PROS1: variants seen among roughly 807,000 people sequenced by gnomAD.
The protein encoded by PROS1 is protein S.
A neutral mutation model predicts 75.9 loss-of-function variants in PROS1; 29 were observed. The observed-to-expected ratio is 0.38, with a 90% CI of 0.28 to 0.52. The LOEUF is 0.52. Among genes scored for constraint, PROS1 ranks in the 20% least tolerant of loss-of-function variants. The pLI is 0.83. For missense variants in PROS1, 680 were observed against 810.3 expected (o/e 0.84, Z 1.95); for synonymous variants, 245 against 280.6 (o/e 0.87, Z 1.27).
intron 1 of PROS1, among the ~76,000 whole-genome samples, chr3:93,950,724 G>T (rs1709482553): frequency 6.6e-6 from 1 of 152,198 alleles, no homozygotes; most frequent in Non-Finnish European, 1.5e-5. Context: ...AAACCACAAA[G>T]ATCGGGAGAA....
chr3:93,899,251 G>T (rs188810335), intron 7 of PROS1, among the ~76,000 whole-genome samples: 18 of 151,102 alleles, frequency 1.2e-4, no homozygotes, highest in Non-Finnish European at 1.8e-4. Context: ...AATCATTCTT[G>T]GAAATTTATA....
At chr3:93,897,013 C>T (rs1708511229) in intron 8 of PROS1, among the ~76,000 whole-genome samples, 1 of 152,192 alleles carries the variant, frequency 6.6e-6, no homozygotes, top group Admixed American at 6.5e-5. Context: ...ATATATATTT[C>T]TTTAATTAAC....
intron 1 of PROS1, among the ~76,000 whole-genome samples, chr3:93,956,499 T>G (rs946315841): frequency 6.7e-6 from 1 of 148,706 alleles, no homozygotes; most frequent in African/African-American, 2.5e-5. Flanking sequence ...TCTCTCTGTC[T>G]CTCTCTCTCT....
chr3:93,960,386 T>A (rs2107259145), intron 1 of PROS1, among the ~76,000 whole-genome samples: 1 of 151,826 alleles, frequency 6.6e-6, no homozygotes, highest in South Asian at 2.1e-4. Flanking sequence ...CTGTGTTAGC[T>A]AGGATGGTCT....
chr3:93,909,434 A>T (rs1412139843), intron 4 of PROS1, among the ~76,000 whole-genome samples: 2 of 118,236 alleles, frequency 1.7e-5, no homozygotes, highest in African/African-American at 7.1e-5. Context: ...GAGCTTGTCT[A>T]AAAAAAAAAA....
chr3:93,909,660 CCTTCCAATA>C (rs1708730750), intron 4 of PROS1, among the ~76,000 whole-genome samples: 1 of 152,114 alleles, frequency 6.6e-6, no homozygotes, highest in Non-Finnish European at 1.5e-5. Context: ...TTCTTCCCAT[CCTTCCAATA>C]CTTCCAATAC....
At chr3:93,947,612 G>A (rs1484692659) in intron 1 of PROS1, among the ~76,000 whole-genome samples, 2 of 152,018 alleles carry the variant, frequency 1.3e-5, no homozygotes, top group African/African-American at 2.4e-5. Context: ...TGTCGCTCAG[G>A]CTGGAGTGCA....
intron 1 of PROS1, among the ~76,000 whole-genome samples, chr3:93,961,399 A>C (rs752668128): frequency 3.9e-5 from 6 of 152,232 alleles, no homozygotes; most frequent in African/African-American, 7.2e-5. Context: ...TTGCCATGTT[A>C]TGGTGAGGGC....
Position 93,905,702 on chromosome 3 carries a change from C to CA in PROS1, c.601+81dup, listed in dbSNP as rs1708664408. ...TATAAGCACTTACATATCATTTTTC[C>CA]AAAAATTTGCTAGTAAAATTTCTCT... On this transcript the variant is annotated intron_variant, in intron 6 of 14. Coordinates refer to ENST00000394236, the MANE Select transcript of PROS1 (RefSeq NM_000313.4). 3 of 1,504,114 alleles carry CA rather than the reference C, an allele frequency of 2.0e-6. No homozygotes were observed. The Admixed American group carries it at 5.5e-5, about 27-fold the overall frequency. 93.2% of individuals were successfully genotyped at this position (1,504,114 alleles called of 1,614,324 possible). A position where few individuals can be genotyped will look rare whatever the true frequency, so the allele number is the denominator to read the frequency against.
chr3:93,949,251 C>T (rs750398335), intron 1 of PROS1, among the ~76,000 whole-genome samples: 37 of 152,120 alleles, frequency 2.4e-4, no homozygotes, highest in Non-Finnish European at 5.0e-4. Flanking sequence ...AAGCCAGACC[C>T]GAAACCTGGA....
Position 93,887,080 on chromosome 3 carries a change from G to A in PROS1, c.1156-577C>T, listed in dbSNP as rs8178647. Among the ~76,000 whole-genome samples, 932 of 151,654 alleles carry A rather than the reference G, an allele frequency of 6.1e-3. 12 individuals are homozygous for A. Among genetic ancestry groups the A allele is most frequent in the African/African-American group, 0.022 (900 of 41,408 alleles). On this transcript the variant is annotated intron_variant, in intron 10 of 14. Transcript: ENST00000394236. Reference sequence around the variant, plus strand: ...ACTACAGGCGCCCGCCACTGCGCCCGGCTAATTTTTTGTATTTTTAGTAGA... The same window carrying A: ...ACTACAGGCGCCCGCCACTGCGCCCAGCTAATTTTTTGTATTTTTAGTAGA...
chr3:93,913,261 A>C (rs1303890857), intron 3 of PROS1, among the ~76,000 whole-genome samples: 9 of 151,866 alleles, frequency 5.9e-5, no homozygotes, highest in Non-Finnish European at 1.2e-4. Flanking sequence ...TCCCAACCCA[A>C]ATCTCATTTT....
At chr3:93,933,198 A>G (rs1709132173) in intron 1 of PROS1, among the ~76,000 whole-genome samples, 1 of 152,236 alleles carries the variant, frequency 6.6e-6, no homozygotes, top group Non-Finnish European at 1.5e-5. Context: ...TTCACTTTAC[A>G]AATATAGAGA....
chr3:93,968,993 G>A (rs1709829893), intron 1 of PROS1, among the ~76,000 whole-genome samples: 1 of 152,134 alleles, frequency 6.6e-6, no homozygotes, highest in African/African-American at 2.4e-5. Context: ...GAGGGCAAGA[G>A]AGCTATGAAA....
chr3:93,940,202 C>G (rs1192019973), intron 1 of PROS1, among the ~76,000 whole-genome samples: 1 of 152,168 alleles, frequency 6.6e-6, no homozygotes. Flanking sequence ...CAGTCACTCC[C>G]AGAGCCCCTG....
chr3:93,951,841 C>G (rs1709503693), intron 1 of PROS1, among the ~76,000 whole-genome samples: 2 of 152,270 alleles, frequency 1.3e-5, no homozygotes, highest in South Asian at 2.1e-4. Context: ...AGACCAATCT[C>G]ATGTGCACAG....
At chr3:93,902,986 C>G (rs912005921) in intron 6 of PROS1, among the ~76,000 whole-genome samples, 1 of 152,080 alleles carries the variant, frequency 6.6e-6, no homozygotes, top group Non-Finnish European at 1.5e-5. Context: ...CCTGCCTCAG[C>G]CTCCGGAGTA....
intron 14 of PROS1, among the ~76,000 whole-genome samples, chr3:93,876,282 A>G (rs1360349681): frequency 7.2e-5 from 11 of 152,176 alleles, no homozygotes; most frequent in Non-Finnish European, 1.6e-4. Flanking sequence ...TTTGTTTTGC[A>G]ATAGTTGATG....
At chr3:93,962,119 GC>G (rs1250101078) in intron 1 of PROS1, among the ~76,000 whole-genome samples, 3 of 152,086 alleles carry the variant, frequency 2.0e-5, no homozygotes, top group African/African-American at 7.2e-5. Context: ...ATGGAAATGA[GC>G]CCCCAGATTT....
Sources: gnomAD v4.1 joint callset for allele counts (sites outside exome capture counted in the v4.1 genomes callset) on GRCh38, gnomAD v4.1.1 for gene constraint, MANE v1.5 for transcripts, NCBI Gene and HGNC (gene_info 2026-07-23, HGNC 2026-07-21) for gene names.